The following SLIT3 variants were observed in gnomAD, a reference collection of about 807,000 sequenced individuals.
SLIT3 encodes the protein slit guidance ligand 3.
A neutral mutation model predicts 184.0 loss-of-function variants in SLIT3; 68 were observed. The ratio of observed to expected loss-of-function variants is 0.37; its 90% CI spans 0.30 to 0.45. SLIT3 has a LOEUF of 0.45. Ranked by LOEUF, SLIT3 falls within the 20% of genes least tolerant of loss-of-function variation. SLIT3 has a pLI of 1.00. For synonymous variants in SLIT3, 831 were observed against 828.6 expected (o/e 1.00, Z -0.05); for missense variants, 1,707 against 2,026.0 (o/e 0.84, Z 3.02).
chr5:169,200,391 G>A (rs144465129), intron 3 of SLIT3, among the ~76,000 whole-genome samples: 24 of 152,180 alleles, frequency 1.6e-4, no homozygotes, highest in Admixed American at 4.6e-4. Context: ...TTCTTTCTCC[G>A]TCTACTGGTA....
chr5:168,827,566 C>A (rs1173550839), intron 6 of SLIT3, among the ~76,000 whole-genome samples: 1 of 152,194 alleles, frequency 6.6e-6, no homozygotes, highest in Non-Finnish European at 1.5e-5. Flanking sequence ...CTCGTGATTA[C>A]CCTTAGAGCT....
chr5:169,296,076 A>G (rs542088989), intron 1 of SLIT3, among the ~76,000 whole-genome samples: 1 of 152,342 alleles, frequency 6.6e-6, no homozygotes, highest in African/African-American at 2.4e-5. Context: ...ATATTAGTTC[A>G]TAAAATCCAA....
At chr5:169,053,276 A>G (rs79247481) in intron 4 of SLIT3, among the ~76,000 whole-genome samples, 6,220 of 152,304 alleles carry the variant, frequency 0.041, 407 homozygotes, top group African/African-American at 0.14. Context: ...TCCACAAGGA[A>G]AACTCTGATT....
intron 5 of SLIT3, among the ~76,000 whole-genome samples, chr5:168,846,140 T>C (rs1052880662): frequency 6.6e-6 from 1 of 152,226 alleles, no homozygotes; most frequent in Non-Finnish European, 1.5e-5. Context: ...TACCGTGCAT[T>C]ACAACAGACA....
rs1311208771 is a variant in SLIT3, at chr5:168,967,500, C to T, written c.414-84164G>A. Among the ~76,000 whole-genome samples the T allele has an allele frequency of 2.7e-4, 24 of 87,330 alleles. 1 individual carries two copies. The highest frequency in any genetic ancestry group is 1.1e-3 in the Admixed American group (6 of 5,644). The allele number at this position is 87,330 out of a possible 152,430, so 57.3% of individuals were successfully genotyped here. On this transcript the variant is annotated intron_variant, in intron 4 of 35. Transcript: ENST00000519560. ...TGTCGCCCAGGCTGGAGTGCAGTGG[C>T]GGGATCTCGGCTCACTGCAAGCTCC... is the stretch of plus-strand genomic sequence containing the variant.
chr5:169,235,910 G>C (rs1765181521), intron 3 of SLIT3, among the ~76,000 whole-genome samples: 1 of 152,138 alleles, frequency 6.6e-6, no homozygotes, highest in African/African-American at 2.4e-5. Flanking sequence ...CACGGCTAAG[G>C]TGGTGTGTGT....
chr5:169,135,925 C>T (rs1173540066), intron 4 of SLIT3, among the ~76,000 whole-genome samples: 1 of 152,212 alleles, frequency 6.6e-6, no homozygotes, highest in Non-Finnish European at 1.5e-5. Context: ...AAAGTGTCAC[C>T]ATCTCGTCCT....
At chr5:168,840,117 G>A (rs1758192007) in intron 6 of SLIT3, among the ~76,000 whole-genome samples, 1 of 152,184 alleles carries the variant, frequency 6.6e-6, no homozygotes, top group South Asian at 2.1e-4. Flanking sequence ...GGGAGTGAGA[G>A]CTTCCAAACA....
intron 4 of SLIT3, among the ~76,000 whole-genome samples, chr5:169,177,617 C>G (rs1477540198): frequency 6.6e-6 from 1 of 152,154 alleles, no homozygotes; most frequent in Non-Finnish European, 1.5e-5. Context: ...ATTCTAAGTA[C>G]CAGGCTGGGG....
In SLIT3 at chr5:169,174,525, A is replaced by G. The variant is rs185546108; in HGVS notation, c.413+18954T>C. On this transcript the variant is annotated intron_variant, in intron 4 of 35. Transcript: ENST00000519560. ...TTCATCTCTTAACTCTTAGATCACA[A>G]GTTCTTTAAACTCTTTCCCTTGACG... Among the ~76,000 whole-genome samples the G allele has an allele frequency of 7.8e-3, 1,194 of 152,204 alleles. 15 individuals are homozygous for G. Among genetic ancestry groups the G allele is most frequent in the African/African-American group, 0.027 (1,111 of 41,516 alleles).
At chr5:168,786,254 G>T (rs1417791879) in intron 11 of SLIT3, among the ~76,000 whole-genome samples, 1 of 152,176 alleles carries the variant, frequency 6.6e-6, no homozygotes, top group African/African-American at 2.4e-5. Context: ...ACAGGAAGAA[G>T]CGGTCTCTTT....
chr5:169,055,353 G>A (rs145712612), intron 4 of SLIT3, among the ~76,000 whole-genome samples: 230 of 152,294 alleles, frequency 1.5e-3, no homozygotes, highest in Non-Finnish European at 2.6e-3. Flanking sequence ...AACAGAGAAT[G>A]ACTGGTTAGG....
intron 4 of SLIT3, among the ~76,000 whole-genome samples, chr5:169,164,342 T>C (rs1762567951): frequency 1.3e-5 from 2 of 152,156 alleles, no homozygotes; most frequent in East Asian, 1.9e-4. Context: ...GCACAACGGG[T>C]TGGGAGTCTC....
Position 168,823,244 on chromosome 5 carries a change from C to T in SLIT3, c.629+16G>A, listed in dbSNP as rs191150746. ...GTAGGGAGAAAATGGGAGAGATGCA[C>T]AGACTTCTTACTCACAGAGTTCGGA... On this transcript the variant is annotated intron_variant, in intron 7 of 35. Transcript: ENST00000519560. The T allele has an allele frequency of 2.3e-4, 377 of 1,608,388 alleles. 1 individual carries two copies. The East Asian group carries it at 6.0e-3, about 26-fold the overall frequency.
chr5:168,781,784 G>C (rs1449157479), intron 12 of SLIT3, among the ~76,000 whole-genome samples: 1 of 152,156 alleles, frequency 6.6e-6, no homozygotes, highest in Non-Finnish European at 1.5e-5. Context: ...GCCTGTGACT[G>C]GGTGAAGCAG....
intron 1 of SLIT3, among the ~76,000 whole-genome samples, chr5:169,294,742 T>TA (rs1355679581): frequency 6.6e-6 from 1 of 152,180 alleles, no homozygotes; most frequent in Non-Finnish European, 1.5e-5. Flanking sequence ...GCAAACCTCA[T>TA]AGAGTGCACT....
intron 4 of SLIT3, among the ~76,000 whole-genome samples, chr5:169,075,678 T>C (rs553229579): frequency 1.6e-4 from 24 of 152,284 alleles, no homozygotes; most frequent in Middle Eastern, 3.4e-3. Flanking sequence ...TATATGCAGA[T>C]AGAACAATGG....
At chr5:168,753,167 G>GGTGT (rs376176223) in intron 17 of SLIT3, 69 bp from the exon 18 acceptor site, 3 of 1,533,298 alleles carry the variant, frequency 2.0e-6, no homozygotes, top group Non-Finnish European at 1.8e-6. Context: ...GTGCCACGGT[G>GGTGT]GTGTGTGTGT....
Position 169,233,312 on chromosome 5 carries a change from C to T in SLIT3, c.341+11393G>A, listed in dbSNP as rs549810602. Among the ~76,000 whole-genome samples the T allele has an allele frequency of 4.6e-5, 7 of 152,160 alleles. No individual in the cohort carries two copies. In the East Asian group the frequency reaches 5.8e-4, roughly 13 times the overall value. ...TGCTGGGATTATAGGCGTGAGCCAC[C>T]GCGCCCGGTCGGCATTGGTATTTTT... is the stretch of plus-strand genomic sequence containing the variant. On this transcript the variant is annotated intron_variant, in intron 3 of 35. Coordinates refer to ENST00000519560, the MANE Select transcript of SLIT3 (RefSeq NM_003062.4).
Sources: allele counts gnomAD v4.1 joint callset (sites outside exome capture counted in the v4.1 genomes callset), GRCh38; gene constraint gnomAD v4.1.1; transcripts MANE v1.5; gene names NCBI Gene and HGNC (gene_info 2026-07-23, HGNC 2026-07-21).